ZBTB20: variants seen among roughly 807,000 people sequenced by gnomAD.
ZBTB20 encodes the protein zinc finger and BTB domain-containing protein 20.
A neutral mutation model predicts 56.9 loss-of-function variants in ZBTB20; 9 were observed. The ratio of observed to expected loss-of-function variants is 0.16; its 90% CI spans 0.10 to 0.28. The LOEUF is 0.28. Ranked by LOEUF, ZBTB20 falls within the 10% of genes least tolerant of loss-of-function variation. ZBTB20 has a pLI of 1.00. For synonymous variants in ZBTB20, 417 were observed against 420.7 expected (o/e 0.99, Z 0.11); for missense variants, 655 against 1,003.0 (o/e 0.65, Z 4.69).
intron 6 of ZBTB20, among the ~76,000 whole-genome samples, chr3:114,628,215 T>C (rs1166530152): frequency 1.3e-5 from 2 of 152,196 alleles, no homozygotes; most frequent in Admixed American, 6.5e-5. Flanking sequence ...CATTTACTAG[T>C]TGGTATTTTG....
At chr3:114,890,854 T>C (rs2076780845) in intron 4 of ZBTB20, among the ~76,000 whole-genome samples, 1 of 152,208 alleles carries the variant, frequency 6.6e-6, no homozygotes, top group South Asian at 2.1e-4. Context: ...ACTTATTTAT[T>C]TACACCTGAG....
At chr3:114,845,874 T>C (rs573270905) in intron 4 of ZBTB20, among the ~76,000 whole-genome samples, 1 of 152,298 alleles carries the variant, frequency 6.6e-6, no homozygotes, top group Admixed American at 6.5e-5. Flanking sequence ...ATATGCTACA[T>C]TGGTGCTCAA....
chr3:114,491,209 C>A (rs2042715164), intron 7 of ZBTB20, among the ~76,000 whole-genome samples: 1 of 152,174 alleles, frequency 6.6e-6, no homozygotes, highest in South Asian at 2.1e-4. Context: ...CTAGGTGAAA[C>A]CCTATCCTAA....
chr3:115,002,111 A>G (rs1287890760), intron 2 of ZBTB20, among the ~76,000 whole-genome samples: 3 of 151,562 alleles, frequency 2.0e-5, no homozygotes, highest in Non-Finnish European at 4.4e-5. Context: ...GTTCTTTGAC[A>G]AAGAAGTAAA....
intron 2 of ZBTB20, among the ~76,000 whole-genome samples, chr3:114,991,207 A>G (rs9846862): frequency 3.3e-5 from 5 of 151,990 alleles, no homozygotes; most frequent in Non-Finnish European, 5.9e-5. Context: ...TCGGGTGTCA[A>G]TTTTGGATCT....
intron 4 of ZBTB20, among the ~76,000 whole-genome samples, chr3:114,803,646 A>G (rs1278165537): frequency 6.6e-6 from 1 of 151,938 alleles, no homozygotes; most frequent in East Asian, 1.9e-4. Context: ...TAGTGGGGTT[A>G]TCAGGTAGAA....
Position 114,321,711 on chromosome 3 carries a change from T to C in ZBTB20, c.*17294A>G, listed in dbSNP as rs1351255546. The C allele has an allele frequency of 6.6e-6, 1 of 152,118 alleles. No individual in the cohort carries two copies. Among genetic ancestry groups the C allele is most frequent in the African/African-American group, 2.4e-5 (1 of 41,394 alleles). The allele number at this position is 152,118 out of a possible 1,614,324, so 9.4% of individuals were successfully genotyped here. ...ATGGTATCTGTCAGAAAATACTGCT[T>C]TTGGTTTCTTTTAACTTTGAGCTGT... On this transcript the variant is annotated 3_prime_UTR_variant, in exon 12 of 12. Transcript: ENST00000675478.
chr3:114,725,193 A>C (rs12490003), intron 5 of ZBTB20, among the ~76,000 whole-genome samples: 18,697 of 152,276 alleles, frequency 0.12, 1,780 homozygotes, highest in African/African-American at 0.26. Context: ...ATGAGTTTAA[A>C]CCATGTGCAA....
rs2078731293 is a variant in ZBTB20 at position 114,990,026 on chromosome 3, T to C, written c.-506-15610A>G. On this transcript the variant is annotated intron_variant, in intron 2 of 11. Transcript: ENST00000675478. Reference sequence around the variant, plus strand: ...GGCTGAGATGATGGGGTTTTCTAAATATACAATCATGTCATCTGCAAACAG... The same window carrying C: ...GGCTGAGATGATGGGGTTTTCTAAACATACAATCATGTCATCTGCAAACAG... Among the ~76,000 whole-genome samples the C allele has an allele frequency of 2.6e-5, 4 of 152,292 alleles. No homozygotes were observed. The South Asian group carries it at 8.3e-4, about 32-fold the overall frequency.
intron 5 of ZBTB20, among the ~76,000 whole-genome samples, chr3:114,733,584 A>C (rs1433126676): frequency 6.6e-6 from 1 of 152,118 alleles, no homozygotes; most frequent in Non-Finnish European, 1.5e-5. Flanking sequence ...GCATTTAATT[A>C]CACTTTTCTA....
intron 1 of ZBTB20, among the ~76,000 whole-genome samples, chr3:115,143,400 A>G (rs1051734334): frequency 6.6e-6 from 1 of 152,168 alleles, no homozygotes; most frequent in Non-Finnish European, 1.5e-5. Flanking sequence ...GCATGGTGGC[A>G]TGCACCTTAG....
chr3:114,620,694 G>A (rs1233296359), intron 6 of ZBTB20, among the ~76,000 whole-genome samples: 1 of 152,076 alleles, frequency 6.6e-6, no homozygotes, highest in Non-Finnish European at 1.5e-5. Context: ...CTCAGACTGA[G>A]CCAATCTGAC....
intron 7 of ZBTB20, among the ~76,000 whole-genome samples, chr3:114,460,102 G>C (rs2092256848): frequency 6.6e-6 from 1 of 152,086 alleles, no homozygotes; most frequent in Non-Finnish European, 1.5e-5. Context: ...CAGTCTGTCT[G>C]TCCCTGGTTC....
At chr3:114,848,770 A>G (rs1448767643) in intron 4 of ZBTB20, among the ~76,000 whole-genome samples, 4 of 152,330 alleles carry the variant, frequency 2.6e-5, no homozygotes, top group Middle Eastern at 3.4e-3. Context: ...CAGCAAAAGA[A>G]TCTGCTGCCC....
intron 4 of ZBTB20, among the ~76,000 whole-genome samples, chr3:114,868,666 T>C (rs2075868725): frequency 6.6e-6 from 1 of 152,188 alleles, no homozygotes; most frequent in African/African-American, 2.4e-5. Flanking sequence ...GGATCTTTGT[T>C]TATACCAGTT....
intron 7 of ZBTB20, among the ~76,000 whole-genome samples, chr3:114,464,993 C>G (rs948142781): frequency 2.6e-5 from 4 of 151,782 alleles, no homozygotes; most frequent in Non-Finnish European, 5.9e-5. Flanking sequence ...TCCTTCTCCC[C>G]CAACCCCCAC....
rs1209884834 is a variant in ZBTB20, at chr3:114,938,123, A to AG, written c.-456+36242_-456+36243insC. Among the ~76,000 whole-genome samples the AG allele has an allele frequency of 6.3e-3, 917 of 144,860 alleles. 7 individuals are homozygous for AG. The highest frequency in any genetic ancestry group is 0.022 in the African/African-American group (777 of 34,842). ...ACAGAGTGAGACTCCATCTCAAAAA[A>AG]AATAAAAATAAAATAAAATATTTAA... is the stretch of plus-strand genomic sequence containing the variant. On this transcript the variant is annotated intron_variant, in intron 3 of 11. Coordinates refer to ENST00000675478, the MANE Select transcript of ZBTB20 (RefSeq NM_001348800.3).
At chr3:114,788,971 A>C (rs1338798477) in intron 5 of ZBTB20, among the ~76,000 whole-genome samples, 1 of 152,126 alleles carries the variant, frequency 6.6e-6, no homozygotes, top group African/African-American at 2.4e-5. Context: ...ACAGCACAGG[A>C]AAAACCGCCC....
At chr3:114,588,946 C>T (rs2055463275) in intron 6 of ZBTB20, among the ~76,000 whole-genome samples, 1 of 152,126 alleles carries the variant, frequency 6.6e-6, no homozygotes, top group African/African-American at 2.4e-5. Context: ...GGCACCTCTT[C>T]ACCGGGCAAC....
Sources: gnomAD v4.1 joint callset for allele counts (sites outside exome capture counted in the v4.1 genomes callset) on GRCh38, gnomAD v4.1.1 for gene constraint, MANE v1.5 for transcripts, NCBI Gene and HGNC (gene_info 2026-07-23, HGNC 2026-07-21) for gene names.